The following METAP1 variants were observed in gnomAD, a reference collection of about 807,000 sequenced individuals.
METAP1 encodes the protein methionine aminopeptidase 1.
METAP1 carries 28 observed loss-of-function variants against 53.8 expected under a neutral mutation model. That is an observed-to-expected ratio of 0.52 (90% CI 0.39 to 0.71). METAP1 has a LOEUF of 0.71. METAP1 is among the 30% of genes least tolerant of loss of function. The probability of loss-of-function intolerance (pLI) is 0.00; values close to 1 mark genes in which losing one functional copy is unlikely to be tolerated. For synonymous variants in METAP1, 181 were observed against 165.7 expected, an observed-to-expected ratio of 1.09 and a Z score of -0.71; for missense variants, 389 against 479.8, an observed-to-expected ratio of 0.81 and a Z score of 1.77.
intron 1 of METAP1, among the ~76,000 whole-genome samples, chr4:99,011,524 C>T (rs529101228): frequency 4.3e-4 from 66 of 152,212 alleles, no homozygotes; most frequent in African/African-American, 1.5e-3. Context: ...GGTGTATAGT[C>T]CTTTCAGTGT....
At chr4:99,056,821 G>A (rs1727166661) in intron 9 of METAP1, among the ~76,000 whole-genome samples, 1 of 150,222 alleles carries the variant, frequency 6.7e-6, no homozygotes, top group Non-Finnish European at 1.5e-5. Context: ...CACCAACCTC[G>A]GCCTCTCAAA....
At chr4:99,004,378 A>G (rs1236383306) in intron 1 of METAP1, among the ~76,000 whole-genome samples, 1 of 151,974 alleles carries the variant, frequency 6.6e-6, no homozygotes, top group Non-Finnish European at 1.5e-5. Flanking sequence ...TGAGGCCTAA[A>G]GCACCCAACA....
In METAP1 at chr4:99,014,418, T is replaced by C. The variant is rs567188280; in HGVS notation, c.115-14449T>C. Among the ~76,000 whole-genome samples, 17 of 152,364 alleles carry C rather than the reference T, an allele frequency of 1.1e-4. No homozygotes were observed. In the South Asian group the frequency reaches 3.3e-3, roughly 30 times the overall value. The stretch of plus-strand genomic sequence containing the variant: ...GTGTCATTTGGCTAGTAGATCTTAA[T>C]TCATCTGCAATTCCCCTGACCACTT... On this transcript the variant is annotated intron_variant, in intron 1 of 10. Transcript: ENST00000296411.
At chr4:99,001,161 A>C (rs1722906650) in intron 1 of METAP1, among the ~76,000 whole-genome samples, 2 of 152,200 alleles carry the variant, frequency 1.3e-5, no homozygotes, top group Non-Finnish European at 2.9e-5. Flanking sequence ...ATTCATCTTC[A>C]TTAAAGGAGA....
At chr4:99,060,987 T>G (rs1727509988) in intron 10 of METAP1, among the ~76,000 whole-genome samples, 167 bp from the exon 11 acceptor site, 1 of 152,212 alleles carries the variant, frequency 6.6e-6, no homozygotes, top group African/African-American at 2.4e-5. Flanking sequence ...CTGATGAAAT[T>G]TAAACATCAA....
chr4:99,031,321 G>T (rs10489130), intron 2 of METAP1, among the ~76,000 whole-genome samples: 8,604 of 152,018 alleles, frequency 0.057, 842 homozygotes, highest in African/African-American at 0.2. Context: ...ACTTTTTAAT[G>T]TATCGCTGAC....
chr4:98,995,927 C>A, intron 1 of METAP1, 60 bp downstream of exon 1: 1 of 1,328,774 alleles, frequency 7.5e-7, no homozygotes, highest in Non-Finnish European at 1.1e-6. Flanking sequence ...CGCTTCTCCC[C>A]TGCTGGCTCC....
rs192625244 is a variant in METAP1, at chr4:99,013,473, C to A, written c.115-15394C>A. On this transcript the variant is annotated intron_variant, in intron 1 of 10. Coordinates refer to ENST00000296411, the MANE Select transcript of METAP1 (RefSeq NM_015143.3). ...TCTTGTAAAGAAATCAACACTGAGA[C>A]AAAGGATCTCTTAGCAAGGCTGGTT... 3.2e-3 allele frequency among the ~76,000 whole-genome samples: 492 copies of A among 152,300 alleles called. 9 individuals are homozygous for A. The highest frequency in any genetic ancestry group is 0.027 in the Admixed American group (411 of 15,296).
intron 9 of METAP1, among the ~76,000 whole-genome samples, chr4:99,052,834 C>T (rs1262435429): frequency 4.6e-5 from 7 of 152,230 alleles, no homozygotes; most frequent in African/African-American, 1.7e-4. Context: ...ATTTTATCCA[C>T]AGAACTTCTT....
At chr4:99,039,221 T>A in intron 4 of METAP1, 153 bp from the exon 5 acceptor site, 1 of 459,856 alleles carries the variant, frequency 2.2e-6, no homozygotes, top group Non-Finnish European at 3.8e-6. Context: ...AAATGTTTTT[T>A]TTTAAAAATC....
chr4:99,053,556 A>C (rs932628083), intron 9 of METAP1, among the ~76,000 whole-genome samples: 12 of 152,182 alleles, frequency 7.9e-5, no homozygotes, highest in Non-Finnish European at 1.6e-4. Flanking sequence ...CCCAGCCTAC[A>C]AAGTTTTTAA....
chr4:99,059,611 AAAG>A (rs2110437813), intron 10 of METAP1, among the ~76,000 whole-genome samples: 1 of 152,274 alleles, frequency 6.6e-6, no homozygotes, highest in Non-Finnish European at 1.5e-5. Flanking sequence ...TCTAATTTTG[AAAG>A]AAGAAAGCTC....
chr4:99,057,762 C>T lies in METAP1; in HGVS notation c.941C>T (p.Ala314Val), dbSNP rs1311447835. ...PNVPHYAKNK[A>V]VGVMKSGHVF... ...TTTTCTTTGATTTCAGAAAATAAAG[C>T]AGTTGGAGTGATGAAGTCGGGCCAT... Residue 314 changes from alanine (A) to valine (V), a missense_variant, in exon 10 of 11, where the codon GCA becomes GTA. By Grantham distance (64) the Ala-to-Val change is moderately conservative (BLOSUM62 0). Coordinates refer to ENST00000296411, the MANE Select transcript of METAP1 (RefSeq NM_015143.3). 1.3e-6 allele frequency: 2 copies of T among 1,588,188 alleles called. No individual in the cohort carries two copies. The highest frequency in any genetic ancestry group is 1.7e-6 in the Non-Finnish European group (2 of 1,166,474).
chr4:99,028,915 G>T lies in METAP1; in HGVS notation c.163G>T (p.Ala55Ser). The part of the protein sequence containing the change: ...WATHKLLHKK[A>S]KDEKAKREVS... Reference sequence around the variant, plus strand: ...TACTCACAAGTTACTACATAAGAAAGCAAGTAAGTACAATCACAAATTTTT... The same window carrying T: ...TACTCACAAGTTACTACATAAGAAATCAAGTAAGTACAATCACAAATTTTT... Residue 55 changes from alanine to serine, a missense_variant, in exon 2 of 11, where the codon GCA (alanine) becomes TCA (serine). Coordinates refer to ENST00000296411, the MANE Select transcript of METAP1 (RefSeq NM_015143.3). 6.5e-7 allele frequency: 1 copy of T among 1,542,442 alleles called. No homozygotes were observed. Among genetic ancestry groups the T allele is most frequent in the East Asian group, 2.5e-5 (1 of 40,670 alleles).
At chr4:99,043,425 G>T (rs1579313475) in intron 7 of METAP1, 38 bp downstream of exon 7, 1 of 1,551,780 alleles carries the variant, frequency 6.4e-7, no homozygotes, top group East Asian at 2.4e-5. Flanking sequence ...CATGGGCAAA[G>T]AAACAACAAA....
chr4:99,004,395 C>T (rs75853204), intron 1 of METAP1, among the ~76,000 whole-genome samples: 2,025 of 149,906 alleles, frequency 0.014, 23 homozygotes, highest in Non-Finnish European at 0.02. Context: ...AACACTATAA[C>T]GAGACTGCAA....
chr4:99,021,401 G>A (rs979769357), intron 1 of METAP1, among the ~76,000 whole-genome samples: 2 of 152,150 alleles, frequency 1.3e-5, no homozygotes, highest in African/African-American at 4.8e-5. Flanking sequence ...TACTGGGTGA[G>A]CCCTGGCTAT....
chr4:99,055,005 G>C (rs527262038), intron 9 of METAP1, among the ~76,000 whole-genome samples: 1 of 152,232 alleles, frequency 6.6e-6, no homozygotes, highest in East Asian at 1.9e-4. Flanking sequence ...TTGTGACACA[G>C]AGACATGAAG....
chr4:99,030,572 A>C (rs1047578237), intron 2 of METAP1, among the ~76,000 whole-genome samples: 3 of 152,116 alleles, frequency 2.0e-5, no homozygotes, highest in Non-Finnish European at 4.4e-5. Flanking sequence ...TGACCACAGT[A>C]AATTTTGAGT....
Sources: gnomAD v4.1 joint callset for allele counts (sites outside exome capture counted in the v4.1 genomes callset) on GRCh38, gnomAD v4.1.1 for gene constraint, MANE v1.5 for transcripts, NCBI Gene and HGNC (gene_info 2026-07-23, HGNC 2026-07-21) for gene names.